Variants in UBTD2 observed in about 807,000 individuals in gnomAD.
UBTD2 encodes ubiquitin domain containing 2.
In UBTD2, 9 loss-of-function variants were observed where a neutral mutation model predicts 19.8. The ratio of observed to expected loss-of-function variants is 0.46; its 90% CI spans 0.27 to 0.79. The LOEUF is 0.79. Among genes scored for constraint, UBTD2 ranks in the 30% least tolerant of loss-of-function variants. The pLI, the probability that UBTD2 is intolerant of heterozygous loss-of-function variation, is 0.14. For missense variants in UBTD2, 250 were observed against 300.4 expected, an observed-to-expected ratio of 0.83 and a Z score of 1.24; for synonymous variants, 98 against 103.9, an observed-to-expected ratio of 0.94 and a Z score of 0.35.
At chr5:172,271,197 G>A (rs953161387) in intron 1 of UBTD2, among the ~76,000 whole-genome samples, 1 of 152,026 alleles carries the variant, frequency 6.6e-6, no homozygotes, top group Non-Finnish European at 1.5e-5. Flanking sequence ...TTTGGAGGCC[G>A]AGGCTGGTGG....
chr5:172,263,032 C>T (rs1250391788), intron 1 of UBTD2, among the ~76,000 whole-genome samples: 2 of 151,970 alleles, frequency 1.3e-5, no homozygotes, highest in East Asian at 2.0e-4. Context: ...CCACGACCTC[C>T]GGGCGAGCGA....
chr5:172,264,121 C>A (rs1423097691), intron 1 of UBTD2, among the ~76,000 whole-genome samples: 10 of 152,054 alleles, frequency 6.6e-5, no homozygotes. Context: ...TGCCATCACC[C>A]AGGCTGAAAT....
chr5:172,239,811 G>A (rs1772091062), intron 1 of UBTD2, among the ~76,000 whole-genome samples: 1 of 151,930 alleles, frequency 6.6e-6, no homozygotes, highest in East Asian at 2.0e-4. Flanking sequence ...GGCTGAGGCA[G>A]GAGAATCGCT....
At chr5:172,273,113 A>T (rs1230342914) in intron 1 of UBTD2, among the ~76,000 whole-genome samples, 3 of 148,322 alleles carry the variant, frequency 2.0e-5, no homozygotes, top group African/African-American at 7.4e-5. Context: ...AAAAATAAAA[A>T]TCTGTCCAAA....
chr5:172,261,555 A>C (rs1475591356), intron 1 of UBTD2, among the ~76,000 whole-genome samples: 1 of 152,136 alleles, frequency 6.6e-6, no homozygotes, highest in Non-Finnish European at 1.5e-5. Flanking sequence ...GATGAGCAGG[A>C]TTATGCCTTT....
intron 1 of UBTD2, among the ~76,000 whole-genome samples, chr5:172,262,884 T>C (rs528543742): frequency 2.0e-5 from 3 of 152,342 alleles, no homozygotes; most frequent in African/African-American, 4.8e-5. Context: ...CTTAAACAAC[T>C]GAAAAGCTAT....
intron 1 of UBTD2, among the ~76,000 whole-genome samples, chr5:172,279,100 A>T (rs1024500125): frequency 1.3e-5 from 2 of 152,228 alleles, no homozygotes; most frequent in East Asian, 3.8e-4. Flanking sequence ...ATTTAAAAAA[A>T]GTAAACTACG....
In UBTD2 at chr5:172,216,019, C is replaced by T. The variant is rs192558583; in HGVS notation, c.308-3792G>A. On this transcript the variant is annotated intron_variant, in intron 2 of 2. Coordinates refer to ENST00000393792, the MANE Select transcript of UBTD2 (RefSeq NM_152277.3). ...TCTCTACTAAAAGTACAAAAATTAG[C>T]CGAGCGTGGTGGCAGGCGCTTGTAA... Among the ~76,000 whole-genome samples, 31 of 152,098 alleles carry T rather than the reference C, an allele frequency of 2.0e-4. No homozygotes were observed. The East Asian group carries it at 5.6e-3, about 28-fold the overall frequency.
intron 1 of UBTD2, among the ~76,000 whole-genome samples, chr5:172,251,276 A>G (rs12657119): frequency 0.39 from 56,595 of 146,306 alleles, 11,084 homozygotes; most frequent in South Asian, 0.53. Context: ...CCAAGATCAC[A>G]CCACTGCACT....
rs547482087 is a variant in UBTD2, at chr5:172,254,559, G to C, written c.71-20201C>G. On this transcript the variant is annotated intron_variant, in intron 1 of 2. Transcript: ENST00000393792. ...CCATGTACATTTGTAGGGTTTTTCT[G>C]TGTGTCGTCTTCTGTGTGCTTTCAA... is the stretch of plus-strand genomic sequence containing the variant. 36 of 624,644 alleles carry C rather than the reference G, an allele frequency of 5.8e-5. No individual in the cohort carries two copies. In the African/African-American group the frequency reaches 5.9e-4, roughly 10 times the overall value. The allele number at this position is 624,644 out of a possible 1,614,324, so 38.7% of individuals were successfully genotyped here.
intron 1 of UBTD2, among the ~76,000 whole-genome samples, chr5:172,243,212 A>G (rs977962133): frequency 2.6e-5 from 4 of 151,824 alleles, no homozygotes; most frequent in Non-Finnish European, 4.4e-5. Flanking sequence ...AAAGAATAAG[A>G]CATAAAATAC....
chr5:172,223,586 C>CAAAAAAA lies in UBTD2; in HGVS notation c.307+10529_307+10535dup, dbSNP rs577474758. On this transcript the variant is annotated intron_variant, in intron 2 of 2. Transcript: ENST00000393792. The stretch of plus-strand genomic sequence containing the variant: ...TGCACTCCAGCCTGGGCGACGGAGT[C>CAAAAAAA]AAAAAAAAAAAAAAAAAAAAAAAAA... Among the ~76,000 whole-genome samples the CAAAAAAA allele has an allele frequency of 5.7e-4, 19 of 33,126 alleles. 2 individuals are homozygous for CAAAAAAA. Among genetic ancestry groups the CAAAAAAA allele is most frequent in the African/African-American group, 2.1e-3 (16 of 7,662 alleles). 21.7% of individuals were successfully genotyped at this position (33,126 alleles called of 152,430 possible).
intron 1 of UBTD2, among the ~76,000 whole-genome samples, chr5:172,238,734 A>T (rs953507288): frequency 2.0e-5 from 3 of 152,226 alleles, no homozygotes; most frequent in African/African-American, 7.2e-5. Context: ...TCAATTCTGA[A>T]GTTAAGTATG....
intron 1 of UBTD2, among the ~76,000 whole-genome samples, chr5:172,235,304 T>A (rs979403422): frequency 2.0e-4 from 31 of 152,058 alleles, no homozygotes; most frequent in African/African-American, 7.2e-4. Context: ...AAGATTGCTT[T>A]TCAGTGCCCA....
chr5:172,256,246 C>A (rs1561862088), intron 1 of UBTD2, among the ~76,000 whole-genome samples: 1 of 152,140 alleles, frequency 6.6e-6, no homozygotes, highest in Non-Finnish European at 1.5e-5. Flanking sequence ...GCTGTGATAA[C>A]CTCATTAAGC....
intron 1 of UBTD2, among the ~76,000 whole-genome samples, chr5:172,274,561 C>T (rs1490009371): frequency 6.6e-6 from 1 of 152,152 alleles, no homozygotes; most frequent in Non-Finnish European, 1.5e-5. Flanking sequence ...GTACACTGGA[C>T]ATTCTTGGTG....
intron 1 of UBTD2, chr5:172,254,702 A>C: frequency 2.5e-6 from 1 of 401,694 alleles, no homozygotes; most frequent in Admixed American, 3.8e-5. Context: ...CAAGATGACC[A>C]AAGGGTGATT....
chr5:172,267,048 A>C (rs1274376045), intron 1 of UBTD2, among the ~76,000 whole-genome samples: 1 of 151,798 alleles, frequency 6.6e-6, no homozygotes, highest in Non-Finnish European at 1.5e-5. Context: ...TTAAAAAAAA[A>C]AAAAAAAAAA....
At chr5:172,268,162 T>C (rs1243262420) in intron 1 of UBTD2, among the ~76,000 whole-genome samples, 1 of 152,096 alleles carries the variant, frequency 6.6e-6, no homozygotes, top group Non-Finnish European at 1.5e-5. Context: ...AAAATAGCCA[T>C]GATAGAAGTT....
Sources: allele counts gnomAD v4.1 joint callset (sites outside exome capture counted in the v4.1 genomes callset), GRCh38; gene constraint gnomAD v4.1.1; transcripts MANE v1.5; gene names NCBI Gene and HGNC (gene_info 2026-07-23, HGNC 2026-07-21).